SH3BGRL: variants seen among roughly 807,000 people sequenced by gnomAD.
The protein encoded by SH3BGRL is SH3 domain binding glutamate rich protein like.
A neutral mutation model predicts 9.8 loss-of-function variants in SH3BGRL; 7 were observed. The ratio of observed to expected loss-of-function variants is 0.72; its 90% CI spans 0.41 to 1.35. The LOEUF is 1.35. SH3BGRL is among the 40% of genes most tolerant of loss of function. The pLI is 0.01. For synonymous variants in SH3BGRL, 36 were observed against 29.1 expected, an observed-to-expected ratio of 1.24 and a Z score of -0.76; for missense variants, 73 against 84.4, an observed-to-expected ratio of 0.86 and a Z score of 0.53.
At chrX:81,258,011 G>A (rs2075730559) in intron 1 of SH3BGRL, among the ~76,000 whole-genome samples, 1 of 111,533 alleles carries the variant, frequency 9.0e-6, no homozygotes, top group Non-Finnish European at 1.9e-5. Context: ...CAAGGTGCTA[G>A]GTACTCATGC....
chrX:81,290,848 A>G (rs1446024682), intron 3 of SH3BGRL, among the ~76,000 whole-genome samples: 1 of 110,964 alleles, frequency 9.0e-6, no homozygotes, highest in Non-Finnish European at 1.9e-5. Flanking sequence ...AAATATATAT[A>G]CCTACTATGT....
chrX:81,257,264 T>A (rs2075728169), intron 1 of SH3BGRL, among the ~76,000 whole-genome samples: 1 of 112,216 alleles, frequency 8.9e-6, no homozygotes, highest in African/African-American at 3.2e-5. Flanking sequence ...GATGAGGAAT[T>A]TGAGACTCAG....
At chrX:81,215,342 G>T (rs1027087594) in intron 1 of SH3BGRL, among the ~76,000 whole-genome samples, 1 of 111,079 alleles carries the variant, frequency 9.0e-6, no homozygotes, top group Non-Finnish European at 1.9e-5. Context: ...TATGTAGATA[G>T]GTCCTGCCGA....
chrX:81,207,710 A>T (rs1331052660), intron 1 of SH3BGRL, among the ~76,000 whole-genome samples: 1 of 112,220 alleles, frequency 8.9e-6, no homozygotes, highest in Non-Finnish European at 1.9e-5. Flanking sequence ...TGACTGGGAC[A>T]TACTTTTTGG....
intron 3 of SH3BGRL, 55 bp from the exon 4 acceptor site, chrX:81,297,140 G>A: frequency 9.5e-7 from 1 of 1,050,093 alleles, no homozygotes; most frequent in Non-Finnish European, 1.3e-6. Context: ...AAATACACAT[G>A]GGTGTCTGCT....
At chrX:81,281,933 T>G (rs1182206103) in intron 3 of SH3BGRL, among the ~76,000 whole-genome samples, 2 of 111,786 alleles carry the variant, frequency 1.8e-5, no homozygotes, top group Non-Finnish European at 3.8e-5. Context: ...ATCTGCTGCC[T>G]TCAGGAGACT....
At chrX:81,214,811 C>T (rs1436222713) in intron 1 of SH3BGRL, among the ~76,000 whole-genome samples, 1 of 111,860 alleles carries the variant, frequency 8.9e-6, no homozygotes, top group African/African-American at 3.2e-5. Flanking sequence ...TTTATTACCA[C>T]CATTTATTTG....
intron 3 of SH3BGRL, among the ~76,000 whole-genome samples, chrX:81,289,499 A>G (rs987660714): frequency 1.8e-5 from 2 of 111,590 alleles, no homozygotes; most frequent in Non-Finnish European, 3.8e-5. Flanking sequence ...AAAGAATGGG[A>G]GAAAATATTT....
chrX:81,202,879 T>C (rs1385026997), intron 1 of SH3BGRL, among the ~76,000 whole-genome samples: 1 of 111,263 alleles, frequency 9.0e-6, no homozygotes, highest in Non-Finnish European at 1.9e-5. Flanking sequence ...GATTCAGTTT[T>C]CCCCCCATAT....
intron 1 of SH3BGRL, among the ~76,000 whole-genome samples, chrX:81,241,078 G>A (rs941222955): frequency 8.9e-6 from 1 of 112,781 alleles, no homozygotes; most frequent in African/African-American, 3.2e-5. Flanking sequence ...GCCTCTTCCC[G>A]CTCCTGGTGC....
At chrX:81,271,126 T>C (rs941955724) in intron 1 of SH3BGRL, among the ~76,000 whole-genome samples, 1 of 111,202 alleles carries the variant, frequency 9.0e-6, no homozygotes, top group Admixed American at 9.5e-5. Context: ...TGGGCAGGAG[T>C]GTACTTCTCC....
At chrX:81,250,996 T>G (rs1258507908) in intron 1 of SH3BGRL, among the ~76,000 whole-genome samples, 1 of 111,907 alleles carries the variant, frequency 8.9e-6, no homozygotes, top group Non-Finnish European at 1.9e-5. Context: ...ATCTTAAATT[T>G]GTGATATTTG....
intron 1 of SH3BGRL, among the ~76,000 whole-genome samples, chrX:81,258,448 TG>T (rs1266746645): frequency 8.9e-6 from 1 of 112,454 alleles, no homozygotes; most frequent in Non-Finnish European, 1.9e-5. Flanking sequence ...AACATTTCCA[TG>T]GCTCTGGGTG....
intron 1 of SH3BGRL, among the ~76,000 whole-genome samples, chrX:81,244,140 A>G (rs2075680840): frequency 9.0e-6 from 1 of 111,630 alleles, no homozygotes; most frequent in Admixed American, 9.5e-5. Context: ...CCTTGTATCT[A>G]ACATATGTCT....
intron 1 of SH3BGRL, among the ~76,000 whole-genome samples, chrX:81,209,570 A>G (rs2075557405): frequency 8.9e-6 from 1 of 111,880 alleles, no homozygotes; most frequent in African/African-American, 3.3e-5. Context: ...TTCGGACTTC[A>G]GAACCCACTC....
chrX:81,293,844 T>A (rs982049839), intron 3 of SH3BGRL, among the ~76,000 whole-genome samples: 3 of 111,989 alleles, frequency 2.7e-5, no homozygotes, highest in Non-Finnish European at 5.6e-5. Context: ...GACAATAAGG[T>A]CCAGGCTGAG....
intron 1 of SH3BGRL, among the ~76,000 whole-genome samples, chrX:81,263,689 T>G (rs1041159753): frequency 5.4e-5 from 6 of 111,731 alleles, no homozygotes; most frequent in Non-Finnish European, 3.8e-5. Flanking sequence ...TGTTTCTGCT[T>G]TCAAAAGAAA....
chrX:81,240,916 C>G lies in SH3BGRL; in HGVS notation c.46-36068C>G, dbSNP rs752664842. On this transcript the variant is annotated intron_variant, in intron 1 of 3. Transcript: ENST00000373212. Reference sequence around the variant, plus strand: ...CTGGTAACAAGTGGGAGCCCCATCCCCTACTGAGTTGGCAGGGTGGGAGCC... The same window carrying G: ...CTGGTAACAAGTGGGAGCCCCATCCGCTACTGAGTTGGCAGGGTGGGAGCC... Among the ~76,000 whole-genome samples the G allele has an allele frequency of 4.4e-5, 5 of 112,580 alleles. No individual in the cohort carries two copies. In the South Asian group the frequency reaches 1.1e-3, roughly 25 times the overall value.
intron 1 of SH3BGRL, among the ~76,000 whole-genome samples, chrX:81,224,805 A>G (rs915612235): frequency 1.9e-4 from 21 of 111,155 alleles, no homozygotes; most frequent in African/African-American, 5.9e-4. Context: ...CCTTTGTTCA[A>G]TCTTTTTTGT....
Sources: allele counts gnomAD v4.1 joint callset (sites outside exome capture counted in the v4.1 genomes callset), GRCh38; gene constraint gnomAD v4.1.1; transcripts MANE v1.5; gene names NCBI Gene and HGNC (gene_info 2026-07-23, HGNC 2026-07-21).